MEOX2: variants seen among roughly 807,000 people sequenced by gnomAD.
MEOX2 encodes mesenchyme homeobox 2.
A neutral mutation model predicts 27.0 loss-of-function variants in MEOX2; 11 were observed. The ratio of observed to expected loss-of-function variants is 0.41; its 90% CI spans 0.26 to 0.68. The LOEUF is 0.68. MEOX2 is among the 30% of genes least tolerant of loss of function. MEOX2 has a pLI of 0.33. For missense variants in MEOX2, 436 were observed against 385.4 expected (o/e 1.13, Z -1.10); for synonymous variants, 189 against 155.4 (o/e 1.22, Z -1.61).
At chr7:15,661,012 C>CAAAAAAAAAAAAAAAAAAAAAAAAAA (rs71004402) in intron 1 of MEOX2, among the ~76,000 whole-genome samples, 2 of 44,334 alleles carry the variant, frequency 4.5e-5, no homozygotes, top group African/African-American at 1.7e-4. Context: ...GACTCAGTCT[C>CAAAAAAAAAAAAAAAAAAAAAAAAAA]AAAAAAAAAA....
At chr7:15,620,434 A>C (rs1271484692) in intron 2 of MEOX2, among the ~76,000 whole-genome samples, 1 of 152,096 alleles carries the variant, frequency 6.6e-6, no homozygotes, top group Non-Finnish European at 1.5e-5. Flanking sequence ...CGGGCGTGGT[A>C]GCGGGCTCCT....
At chr7:15,629,938 G>A (rs910905290) in intron 1 of MEOX2, among the ~76,000 whole-genome samples, 1 of 151,992 alleles carries the variant, frequency 6.6e-6, no homozygotes, top group East Asian at 1.9e-4. Flanking sequence ...TTCTAAGTGA[G>A]GCAAAAGTCC....
At chr7:15,685,151 T>G (rs1324747510) in intron 1 of MEOX2, among the ~76,000 whole-genome samples, 1 of 152,358 alleles carries the variant, frequency 6.6e-6, no homozygotes, top group East Asian at 1.9e-4. Context: ...CTTTTGAAAC[T>G]TAGGTTCTGT....
At chr7:15,617,222 T>C (rs1362605561) in intron 2 of MEOX2, among the ~76,000 whole-genome samples, 1 of 152,118 alleles carries the variant, frequency 6.6e-6, no homozygotes, top group Admixed American at 6.6e-5. Context: ...TCTAAACATC[T>C]GGGATTTGTA....
chr7:15,626,853 T>A lies in MEOX2; in HGVS notation c.583A>T (p.Thr195Ser). Residue 195 changes from threonine (T) to serine (S), a missense_variant, in exon 2 of 3, where the codon ACC becomes TCC. By Grantham distance (58) the Thr-to-Ser change is moderately conservative. Coordinates refer to ENST00000262041, the MANE Select transcript of MEOX2 (RefSeq NM_005924.5). ...SKPRKERTAF[T>S]KEQIRELEAE... ...TCAAGTTCTCTGATTTGCTCTTTGG[T>A]AAATGCTGTCCTTTCTTTCCTGGGT... 3.7e-6 allele frequency: 6 copies of A among 1,612,106 alleles called. No homozygotes were observed. The East Asian group carries it at 1.3e-4, about 36-fold the overall frequency.
At chr7:15,662,661 A>T (rs923860432) in intron 1 of MEOX2, among the ~76,000 whole-genome samples, 1 of 152,072 alleles carries the variant, frequency 6.6e-6, no homozygotes, top group Non-Finnish European at 1.5e-5. Context: ...CCAAATTTTG[A>T]TATTTTTGGC....
chr7:15,643,621 C>G (rs778094833), intron 1 of MEOX2, among the ~76,000 whole-genome samples: 2 of 152,172 alleles, frequency 1.3e-5, no homozygotes, highest in Non-Finnish European at 2.9e-5. Context: ...GTCACTGAGC[C>G]ATTTTAGGCT....
chr7:15,641,005 G>A (rs1218957207), intron 1 of MEOX2, among the ~76,000 whole-genome samples: 1 of 152,022 alleles, frequency 6.6e-6, no homozygotes, highest in Non-Finnish European at 1.5e-5. Flanking sequence ...TGTTGTTGTT[G>A]TGGGTTTGCC....
chr7:15,674,523 G>T (rs192823086), intron 1 of MEOX2, among the ~76,000 whole-genome samples: 411 of 151,704 alleles, frequency 2.7e-3, no homozygotes, highest in Non-Finnish European at 4.7e-3. Context: ...GAAAGCATTT[G>T]GCAGTAAATT....
At chr7:15,615,238 A>T (rs1347059260) in intron 2 of MEOX2, among the ~76,000 whole-genome samples, 1 of 152,106 alleles carries the variant, frequency 6.6e-6, no homozygotes. Context: ...CTTATGTTAT[A>T]GATGATAAAG....
intron 1 of MEOX2, among the ~76,000 whole-genome samples, chr7:15,675,507 A>T (rs569014891): frequency 6.6e-6 from 1 of 152,212 alleles, no homozygotes; most frequent in African/African-American, 2.4e-5. Context: ...ATTTTACGAG[A>T]TTTTCCTTTT....
In MEOX2 at chr7:15,686,604, A is replaced by C; in HGVS notation, c.-202T>G. On this transcript the variant is annotated 5_prime_UTR_variant, in exon 1 of 3. Coordinates refer to ENST00000262041, the MANE Select transcript of MEOX2 (RefSeq NM_005924.5). ...TTTACATATGAACAGTCGGACCTGG[A>C]AGAGCTTCCCTGAGCTACTCAGATG... is the stretch of plus-strand genomic sequence containing the variant. 2 of 595,514 alleles carry C rather than the reference A, an allele frequency of 3.4e-6. No individual in the cohort carries two copies. Among genetic ancestry groups the C allele is most frequent in the Admixed American group, 3.0e-5 (1 of 33,288 alleles). 36.9% of individuals were successfully genotyped at this position (595,514 alleles called of 1,614,324 possible).
In MEOX2 at chr7:15,612,025, C is replaced by T. The variant is rs1354850048; in HGVS notation, c.*362G>A. On this transcript the variant is annotated 3_prime_UTR_variant, in exon 3 of 3. Coordinates refer to ENST00000262041, the MANE Select transcript of MEOX2 (RefSeq NM_005924.5). ...TCTGGAATGTTCAATGCAAGTTCAT[C>T]CTCGGCATCTTCACTCTGGAGACAT... is the stretch of plus-strand genomic sequence containing the variant. 1 of 254,422 alleles carries T rather than the reference C, an allele frequency of 3.9e-6. No individual in the cohort carries two copies. The highest frequency in any genetic ancestry group is 4.8e-5 in the Admixed American group (1 of 20,718). The allele number at this position is 254,422 out of a possible 1,614,324, so 15.8% of individuals were successfully genotyped here.
At chr7:15,673,010 T>C (rs1254919934) in intron 1 of MEOX2, among the ~76,000 whole-genome samples, 1 of 152,184 alleles carries the variant, frequency 6.6e-6, no homozygotes. Context: ...TGCCCAAGCA[T>C]CTTCGAAATT....
At chr7:15,627,067 C>T in intron 1 of MEOX2, 149 bp from the exon 2 acceptor site, 1 of 616,386 alleles carries the variant, frequency 1.6e-6, no homozygotes, top group East Asian at 2.8e-5. Context: ...CTGACGGCAG[C>T]TCAACGGGGG....
intron 1 of MEOX2, among the ~76,000 whole-genome samples, chr7:15,661,646 A>T (rs930416471): frequency 6.6e-6 from 1 of 152,204 alleles, no homozygotes; most frequent in Admixed American, 6.5e-5. Flanking sequence ...TTTTCCTTTT[A>T]TGGCAAGGCA....
At chr7:15,626,995 A>T in intron 1 of MEOX2, 77 bp from the exon 2 acceptor site, 1 of 1,424,190 alleles carries the variant, frequency 7.0e-7, no homozygotes, top group South Asian at 1.2e-5. Context: ...ACAGTTATTG[A>T]ATTACTACTT....
At chr7:15,654,852 G>C (rs1160183304) in intron 1 of MEOX2, among the ~76,000 whole-genome samples, 1 of 151,332 alleles carries the variant, frequency 6.6e-6, no homozygotes, top group East Asian at 1.9e-4. Context: ...GTTTTCTTCT[G>C]TTATACTGAC....
chr7:15,612,554 G>T lies in MEOX2; in HGVS notation c.748C>A (p.Gln250Lys). 1 of 1,614,104 alleles carries T rather than the reference G, an allele frequency of 6.2e-7. No homozygotes were observed. Among genetic ancestry groups the T allele is most frequent in the Non-Finnish European group, 8.5e-7 (1 of 1,180,032 alleles). ...TCCTTTTCCCGAGCCGCAGCTCCTT[G>T]CTGTCCACCCTTTACCCTCTTCCAC... ...MKWKRVKGGQ[Q>K]GAAAREKELV... The change falls in exon 3 of 3, where the codon CAA becomes AAA. Residue 250 changes from glutamine to lysine, a missense_variant. Coordinates refer to ENST00000262041, the MANE Select transcript of MEOX2 (RefSeq NM_005924.5).
Sources: allele counts gnomAD v4.1 joint callset (sites outside exome capture counted in the v4.1 genomes callset), GRCh38; gene constraint gnomAD v4.1.1; transcripts MANE v1.5; gene names NCBI Gene and HGNC (gene_info 2026-07-23, HGNC 2026-07-21).